TMCO4: variants seen among roughly 807,000 people sequenced by gnomAD.
The protein encoded by TMCO4 is transmembrane and coiled-coil domains 4.
A neutral mutation model predicts 64.7 loss-of-function variants in TMCO4; 58 were observed. That is an observed-to-expected ratio of 0.90 (90% confidence interval 0.73 to 1.12). TMCO4 has a LOEUF of 1.12. Among genes scored for constraint, TMCO4 ranks in the 50% most tolerant of loss-of-function variants. The pLI, the probability that TMCO4 is intolerant of heterozygous loss-of-function variation, is 0.00. For synonymous variants in TMCO4, 325 were observed against 346.1 expected, an observed-to-expected ratio of 0.94 and a Z score of 0.68; for missense variants, 780 against 825.9, an observed-to-expected ratio of 0.94 and a Z score of 0.68.
chr1:19,711,550 G>A lies in TMCO4; in HGVS notation c.1265-10665C>T, dbSNP rs142375656. On this transcript the variant is annotated intron_variant, in intron 13 of 15. Coordinates refer to ENST00000294543, the MANE Select transcript of TMCO4 (RefSeq NM_181719.7). ...GTCACCCAGGCTGGAGTGCAATGGC[G>A]CAATCACGGCTCACTGCAGCCTCGA... 2.8e-3 allele frequency among the ~76,000 whole-genome samples: 427 copies of A among 152,198 alleles called. 7 individuals carry two copies. The East Asian group carries it at 0.033, about 12-fold the overall frequency.
In TMCO4 at chr1:19,734,220, G is replaced by A. The variant is rs2095442907; in HGVS notation, c.1264+3152C>T. Among the ~76,000 whole-genome samples the A allele has an allele frequency of 6.6e-6, 1 of 152,190 alleles. No individual in the cohort carries two copies. Among genetic ancestry groups the A allele is most frequent in the Non-Finnish European group, 1.5e-5 (1 of 68,028 alleles). On this transcript the variant is annotated intron_variant, in intron 13 of 15. Transcript: ENST00000294543. This position sits in a 1 kb window ranked among gnomAD's most constrained non-coding sequence, Gnocchi z 4.4. ...GAGCCCGGCATGTGAGGTGGAGAGAGGCGGGGGAAGGTGCTGAAGGCAGAT... is the reference window on the plus strand; with the variant it reads ...GAGCCCGGCATGTGAGGTGGAGAGAAGCGGGGGAAGGTGCTGAAGGCAGAT...
chr1:19,729,095 A>G (rs995300173), intron 13 of TMCO4, among the ~76,000 whole-genome samples: 15 of 152,172 alleles, frequency 9.9e-5, no homozygotes, highest in Admixed American at 9.2e-4. Context: ...AAGTAGTCAG[A>G]AAGAGTGAAT....
intron 15 of TMCO4, among the ~76,000 whole-genome samples, chr1:19,684,556 G>A (rs1219869833): frequency 2.6e-5 from 4 of 152,292 alleles, no homozygotes; most frequent in Admixed American, 1.3e-4. Flanking sequence ...GAACACAAGG[G>A]TAGTTTCACC....
chr1:19,686,781 G>A (rs1439236946), intron 15 of TMCO4, among the ~76,000 whole-genome samples: 2 of 152,106 alleles, frequency 1.3e-5, no homozygotes, highest in African/African-American at 4.8e-5. Flanking sequence ...ACCAGTAACT[G>A]GGCCAGTCCT....
chr1:19,751,997 G>T (rs777483163), intron 7 of TMCO4, among the ~76,000 whole-genome samples: 11 of 151,636 alleles, frequency 7.3e-5, no homozygotes, highest in Admixed American at 3.9e-4. Context: ...GCAGTGAGCC[G>T]AGATGGCGCC....
At chr1:19,794,962 A>C (rs1390301766) in intron 2 of TMCO4, among the ~76,000 whole-genome samples, 1 of 152,160 alleles carries the variant, frequency 6.6e-6, no homozygotes, top group Non-Finnish European at 1.5e-5. Flanking sequence ...CAGAAAGTAG[A>C]ATGAATGGTG....
At chr1:19,772,179 A>G (rs1205867157) in intron 4 of TMCO4, among the ~76,000 whole-genome samples, 2 of 152,132 alleles carry the variant, frequency 1.3e-5, no homozygotes, top group African/African-American at 2.4e-5. Context: ...GTACCCTAGG[A>G]CAGAGGTGGA....
intron 4 of TMCO4, among the ~76,000 whole-genome samples, chr1:19,774,064 A>G (rs1044936532): frequency 6.6e-6 from 1 of 152,186 alleles, no homozygotes; most frequent in Admixed American, 6.5e-5. Context: ...GCACCAGTGA[A>G]CCCTGGATAA....
intron 2 of TMCO4, among the ~76,000 whole-genome samples, chr1:19,797,499 C>A (rs2044364391): frequency 6.6e-6 from 1 of 152,036 alleles, no homozygotes; most frequent in Non-Finnish European, 1.5e-5. Flanking sequence ...TGAGATGCGG[C>A]TGGAGGTGTA....
rs796375128 is a variant in TMCO4 at position 19,751,775 on chromosome 1, G to A, written c.515+3859C>T. Among the ~76,000 whole-genome samples the A allele has an allele frequency of 5.4e-4, 82 of 152,324 alleles. 2 individuals carry two copies. Among genetic ancestry groups the A allele is most frequent in the African/African-American group, 2.0e-3 (82 of 41,576 alleles). On this transcript the variant is annotated intron_variant, in intron 7 of 15. Transcript: ENST00000294543. ...TTAATAATTGTTTTGGGGGCCGGGCGTGGTGGCTCGCGCCTGTGGTCCCAG... is the reference window on the plus strand; with the variant it reads ...TTAATAATTGTTTTGGGGGCCGGGCATGGTGGCTCGCGCCTGTGGTCCCAG...
At chr1:19,699,697 C>T (rs1253405346) in intron 14 of TMCO4, among the ~76,000 whole-genome samples, 5 of 151,928 alleles carry the variant, frequency 3.3e-5, no homozygotes, top group Non-Finnish European at 5.9e-5. Flanking sequence ...GCCTGGCCTA[C>T]GTTTGGTGCT....
In TMCO4 at chr1:19,720,216, T is replaced by C. The variant is rs1228031792; in HGVS notation, c.1264+17156A>G. 3.3e-5 allele frequency among the ~76,000 whole-genome samples: 5 copies of C among 152,182 alleles called. No individual in the cohort carries two copies. In the East Asian group the frequency reaches 7.7e-4, roughly 23 times the overall value. ...AGGGATCTTGCTATGCTGGCCATGG[T>C]GGTCTCAAACTTCTGACCTCAAGGA... On this transcript the variant is annotated intron_variant, in intron 13 of 15. Transcript: ENST00000294543.
intron 7 of TMCO4, among the ~76,000 whole-genome samples, chr1:19,747,963 A>G (rs997680056): frequency 6.6e-6 from 1 of 152,188 alleles, no homozygotes; most frequent in African/African-American, 2.4e-5. Flanking sequence ...TGGAGTCTGA[A>G]CAATAACTCA....
intron 3 of TMCO4, among the ~76,000 whole-genome samples, chr1:19,785,041 C>T (rs1221328795): frequency 2.0e-5 from 3 of 152,122 alleles, no homozygotes; most frequent in South Asian, 2.1e-4. Context: ...GTCCCCACAC[C>T]GGTCTTGTTC....
intron 13 of TMCO4, among the ~76,000 whole-genome samples, chr1:19,730,154 A>G (rs1179723491): frequency 6.6e-6 from 1 of 152,252 alleles, no homozygotes; most frequent in Non-Finnish European, 1.5e-5. Context: ...GAATGTCTCC[A>G]TGCCTTGCTT....
intron 9 of TMCO4, among the ~76,000 whole-genome samples, chr1:19,746,014 T>C (rs1364952189): frequency 6.6e-6 from 1 of 152,140 alleles, no homozygotes; most frequent in Non-Finnish European, 1.5e-5. Flanking sequence ...AAGAGTCTCA[T>C]CAGGGGAGCA....
intron 14 of TMCO4, among the ~76,000 whole-genome samples, chr1:19,699,051 C>T (rs1417265148): frequency 6.6e-6 from 1 of 152,050 alleles, no homozygotes; most frequent in African/African-American, 2.4e-5. Context: ...AATAAATTAG[C>T]CGGGCGTGGT....
rs1352458907 is a variant in TMCO4, at chr1:19,780,715, G to A, written c.44C>T (p.Pro15Leu). ...NRPCQRLPQQ[P>L]LVAEPTAEGE... Reference sequence around the variant, plus strand: ...CTCTGCAGTGGGCTCAGCTACCAGAGGCTGCTGAGGCAGCCTCTGGCATGG... The same window carrying A: ...CTCTGCAGTGGGCTCAGCTACCAGAAGCTGCTGAGGCAGCCTCTGGCATGG... Residue 15 changes from proline to leucine, a missense_variant, in exon 4 of 16, where the codon CCT becomes CTT. By Grantham distance (98) the Pro-to-Leu change is moderately conservative. Coordinates refer to ENST00000294543, the MANE Select transcript of TMCO4 (RefSeq NM_181719.7). 3 of 1,607,886 alleles carry A rather than the reference G, an allele frequency of 1.9e-6. No homozygotes were observed. The highest frequency in any genetic ancestry group is 2.5e-6 in the Non-Finnish European group (3 of 1,178,600).
chr1:19,708,359 AG>A (rs145148747), intron 13 of TMCO4, among the ~76,000 whole-genome samples: 1,801 of 151,916 alleles, frequency 0.012, 43 homozygotes, highest in African/African-American at 0.041. Flanking sequence ...TACCCCTAAA[AG>A]TCTGGAAATT....
Sources: allele counts gnomAD v4.1 joint callset (sites outside exome capture counted in the v4.1 genomes callset), GRCh38; gene constraint gnomAD v4.1.1; non-coding constraint Gnocchi (gnomAD v3.1); transcripts MANE v1.5; gene names NCBI Gene and HGNC (gene_info 2026-07-23, HGNC 2026-07-21).